Variants in ZNF536 observed in about 807,000 individuals in gnomAD.
The protein encoded by ZNF536 is zinc finger protein 536.
A neutral mutation model predicts 84.5 loss-of-function variants in ZNF536; 13 were observed. The observed-to-expected ratio is 0.15, with a 90% CI of 0.10 to 0.24. The LOEUF (loss-of-function observed/expected upper bound fraction) is 0.24. Ranked by LOEUF, ZNF536 falls within the 10% of genes least tolerant of loss-of-function variation. The pLI is 1.00. For missense variants in ZNF536, 1,536 were observed against 1,747.5 expected (o/e 0.88, Z 2.16); for synonymous variants, 811 against 742.5 (o/e 1.09, Z -1.50).
At chr19:30,675,952 G>A (rs1234337440) in intron 1 of ZNF536, among the ~76,000 whole-genome samples, 1 of 152,188 alleles carries the variant, frequency 6.6e-6, no homozygotes, top group East Asian at 1.9e-4. Context: ...CGACCTCCTA[G>A]GCTCAAGTGA....
chr19:30,249,614 C>A lies in ZNF536; in HGVS notation c.-190+20941C>A, dbSNP rs550085494. On this transcript the variant is annotated intron_variant, in intron 1 of 5. Transcript: ENST00000585628. ...GCTTCAGTGAGCCCTGACTGCACCC[C>A]ACCTTGGGTGATGGAGCGAGACCCT... 6.2e-4 allele frequency among the ~76,000 whole-genome samples: 94 copies of A among 152,296 alleles called. 3 individuals carry two copies. The highest frequency in any genetic ancestry group is 6.1e-3 in the Admixed American group (94 of 15,300).
At chr19:30,636,630 CA>C (rs918944254) in intron 1 of ZNF536, among the ~76,000 whole-genome samples, 28 of 152,268 alleles carry the variant, frequency 1.8e-4, no homozygotes, top group African/African-American at 6.7e-4. Context: ...GAGATCTAGG[CA>C]AGGTCCCACA....
At chr19:30,261,284 C>T (rs1267338578) in intron 1 of ZNF536, among the ~76,000 whole-genome samples, 2 of 100,952 alleles carry the variant, frequency 2.0e-5, no homozygotes, top group Non-Finnish European at 3.5e-5. Flanking sequence ...GGCGACAGAG[C>T]GAGACTCCGT....
At chr19:30,637,655 TTGA>T (rs1422207172) in intron 1 of ZNF536, among the ~76,000 whole-genome samples, 1 of 152,224 alleles carries the variant, frequency 6.6e-6, no homozygotes, top group African/African-American at 2.4e-5. Context: ...CCTTCTACCC[TTGA>T]TGATCACATA....
In ZNF536 at chr19:30,443,937, C is replaced by A. The variant is rs2148161341; in HGVS notation, c.375C>A (p.Arg125=). The stretch of plus-strand genomic sequence containing the variant: ...TGAGCGACATCGAGGACGACGCCCG[C>A]AAGAACCGCAAGTACCCGTGCCCAC... ...SQMSDIEDDA[R]KNRKYPCPLC... is the part of the protein sequence containing the mutation. Residue 125 remains arginine, a synonymous_variant, in exon 2 of 5, where the codon CGC becomes CGA. Coordinates refer to ENST00000355537, the MANE Select transcript of ZNF536 (RefSeq NM_014717.3). 1 of 1,613,698 alleles carries A rather than the reference C, an allele frequency of 6.2e-7. No individual in the cohort carries two copies. Among genetic ancestry groups the A allele is most frequent in the Non-Finnish European group, 8.5e-7 (1 of 1,180,022 alleles).
chr19:30,708,987 G>C (rs1328205096), intron 1 of ZNF536, among the ~76,000 whole-genome samples: 1 of 152,134 alleles, frequency 6.6e-6, no homozygotes, highest in African/African-American at 2.4e-5. Context: ...TGACCTCTCT[G>C]AGTGCTGGGT....
At chr19:30,307,597 A>G (rs966735975) in intron 2 of ZNF536, among the ~76,000 whole-genome samples, 1 of 151,948 alleles carries the variant, frequency 6.6e-6, no homozygotes, top group Admixed American at 6.6e-5. Context: ...CATTCTGCTG[A>G]GAGCCCCTTC....
chr19:30,565,320 G>T lies in ZNF536; in HGVS notation c.169+15806G>T, dbSNP rs565993397. The stretch of plus-strand genomic sequence containing the variant: ...GGCTCCATCTACTTACCCGGGGAGA[G>T]AGCATGTTGCAGAGGAGGAAAGATG... On this transcript the variant is annotated intron_variant, in intron 1 of 1. Coordinates refer to the ZNF536 transcript ENST00000592773. Among the ~76,000 whole-genome samples the T allele has an allele frequency of 5.9e-5, 9 of 152,312 alleles. No homozygotes were observed. In the East Asian group the frequency reaches 7.7e-4, roughly 13 times the overall value.
chr19:30,502,443 G>T (rs757965324), intron 2 of ZNF536, among the ~76,000 whole-genome samples: 1 of 152,130 alleles, frequency 6.6e-6, no homozygotes, highest in Non-Finnish European at 1.5e-5. Context: ...CCTGGAAATG[G>T]TGAGTGATCG....
chr19:30,434,618 T>C (rs2051626436), intron 1 of ZNF536, among the ~76,000 whole-genome samples: 1 of 152,232 alleles, frequency 6.6e-6, no homozygotes, highest in African/African-American at 2.4e-5. Flanking sequence ...AAGGCTAACA[T>C]GAGACAATGA....
intron 1 of ZNF536, among the ~76,000 whole-genome samples, chr19:30,431,182 C>A (rs984203833): frequency 3.3e-5 from 5 of 152,200 alleles, no homozygotes; most frequent in African/African-American, 1.2e-4. Flanking sequence ...GGGCCACCTG[C>A]AGCCAGCTCC....
At chr19:30,339,957 C>A (rs560400890) in intron 2 of ZNF536, among the ~76,000 whole-genome samples, 2 of 152,210 alleles carry the variant, frequency 1.3e-5, no homozygotes, top group South Asian at 2.1e-4. Flanking sequence ...GCTGGGTGGA[C>A]CCTCCTCAAG....
intron 1 of ZNF536, among the ~76,000 whole-genome samples, chr19:30,686,920 C>T (rs2051211279): frequency 6.6e-6 from 1 of 152,188 alleles, no homozygotes; most frequent in South Asian, 2.1e-4. Flanking sequence ...ATATTAGTTA[C>T]ATTACACTGT....
intron 3 of ZNF536, among the ~76,000 whole-genome samples, chr19:30,540,186 C>A (rs993024426): frequency 6.6e-6 from 1 of 152,046 alleles, no homozygotes; most frequent in Non-Finnish European, 1.5e-5. Context: ...ACGCCCGGCA[C>A]CCCCCAACTC....
chr19:30,664,203 TTTCTCTCTCTCTCTCTC>T (rs764871751), intron 1 of ZNF536, among the ~76,000 whole-genome samples: 5,456 of 88,546 alleles, frequency 0.062, 157 homozygotes, highest in Non-Finnish European at 0.079. Context: ...CTTGCTGAGT[TTTCTCTCTCTCTCTCTC>T]TCTCTCTCTC....
At chr19:30,319,222 C>G (rs1268798188) in intron 2 of ZNF536, among the ~76,000 whole-genome samples, 1 of 152,168 alleles carries the variant, frequency 6.6e-6, no homozygotes, top group South Asian at 2.1e-4. Context: ...TTGGGGACAC[C>G]CGGAGGCACC....
chr19:30,628,514 C>T (rs567287894), intron 1 of ZNF536, among the ~76,000 whole-genome samples: 21 of 151,478 alleles, frequency 1.4e-4, no homozygotes, highest in Non-Finnish European at 2.7e-4. Flanking sequence ...CTGCAAGCTC[C>T]GCCCCCCGGG....
At chr19:30,690,282 G>C (rs552433548) in intron 1 of ZNF536, among the ~76,000 whole-genome samples, 1 of 152,328 alleles carries the variant, frequency 6.6e-6, no homozygotes, top group Admixed American at 6.5e-5. Flanking sequence ...CAAAGGTCCA[G>C]TGAAGAACTA....
At chr19:30,286,297 C>G (rs966330881) in intron 2 of ZNF536, among the ~76,000 whole-genome samples, 1 of 152,214 alleles carries the variant, frequency 6.6e-6, no homozygotes, top group Non-Finnish European at 1.5e-5. Context: ...GTCCTTCTAT[C>G]TCGGCGCCTT....
Sources: allele counts gnomAD v4.1 joint callset (sites outside exome capture counted in the v4.1 genomes callset), GRCh38; gene constraint gnomAD v4.1.1; transcripts MANE v1.5; gene names NCBI Gene and HGNC (gene_info 2026-07-23, HGNC 2026-07-21).